BORCS5: variants seen among roughly 807,000 people sequenced by gnomAD.
The protein encoded by BORCS5 is BLOC-1-related complex subunit 5.
In BORCS5, 17 loss-of-function variants were observed where a neutral mutation model predicts 22.1. That is an observed-to-expected ratio of 0.77 (90% CI 0.53 to 1.15). BORCS5 has a LOEUF of 1.15. BORCS5 is among the 50% of genes most tolerant of loss of function. The pLI, the probability that BORCS5 is intolerant of heterozygous loss-of-function variation, is 0.00. For missense variants in BORCS5, 247 were observed against 253.2 expected, an observed-to-expected ratio of 0.98 and a Z score of 0.17; for synonymous variants, 117 against 99.8, an observed-to-expected ratio of 1.17 and a Z score of -1.03.
At chr12:12,441,966 A>G (rs1942691880) in intron 3 of BORCS5, among the ~76,000 whole-genome samples, 1 of 152,076 alleles carries the variant, frequency 6.6e-6, no homozygotes, top group Non-Finnish European at 1.5e-5. Context: ...TTTCCTGTAT[A>G]TTGCCTCATT....
intron 2 of BORCS5, among the ~76,000 whole-genome samples, chr12:12,365,227 A>G (rs1863379516): frequency 6.6e-6 from 1 of 152,058 alleles, no homozygotes. Flanking sequence ...AGGAAGGTAG[A>G]GATGAGATCA....
intron 2 of BORCS5, among the ~76,000 whole-genome samples, chr12:12,422,993 T>A (rs888618745): frequency 7.9e-5 from 12 of 151,514 alleles, no homozygotes; most frequent in East Asian, 3.9e-4. Flanking sequence ...TTTTTTTTTT[T>A]ATTTTTTATT....
intron 2 of BORCS5, among the ~76,000 whole-genome samples, chr12:12,386,802 C>T (rs767628443): frequency 2.0e-5 from 3 of 151,110 alleles, no homozygotes; most frequent in Non-Finnish European, 4.4e-5. Flanking sequence ...TCCTCCCTGC[C>T]CACCCATACC....
rs571921992 is a variant in BORCS5 at position 12,450,099 on chromosome 12, C to G, written c.360+14314C>G. ...ATTCATTGGGTAAAGCATAGTAGAA[C>G]AAACTATGGAAAAGGAAATGTCATT... On this transcript the variant is annotated intron_variant, in intron 3 of 3. Transcript: ENST00000314565. Among the ~76,000 whole-genome samples, 13 of 152,318 alleles carry G rather than the reference C, an allele frequency of 8.5e-5. No individual in the cohort carries two copies. The East Asian group carries it at 1.3e-3, about 16-fold the overall frequency.
rs1942234304 is a variant in BORCS5, at chr12:12,424,700, GT to G, written c.203-10925del. On this transcript the variant is annotated intron_variant, in intron 2 of 3. Transcript: ENST00000314565. The stretch of plus-strand genomic sequence containing the variant: ...CTTCTCTGGGTTTACTGTTTTTTGG[GT>G]TTATTTTTGGTATTTTGATTGTTAC... 3.3e-5 allele frequency among the ~76,000 whole-genome samples: 5 copies of G among 151,856 alleles called. No homozygotes were observed. The South Asian group carries it at 1.0e-3, about 32-fold the overall frequency.
chr12:12,452,510 A>C, intron 3 of BORCS5: 1 of 438,616 alleles, frequency 2.3e-6, no homozygotes, highest in East Asian at 6.7e-5. Context: ...CCGGGTAGGC[A>C]CTGGGGGCCA....
Position 12,466,067 on chromosome 12 carries a change from GTTT to G in BORCS5, c.*304_*306del, listed in dbSNP as rs61212144. On this transcript the variant is annotated 3_prime_UTR_variant, in exon 4 of 4. Transcript: ENST00000314565. ...CTGCATTGAGAATTATTTTTATTTA[GTTT>G]TTTTTTTTTTTTAATTGAGAGTATA... The G allele has an allele frequency of 9.9e-4, 206 of 208,244 alleles. No individual in the cohort carries two copies. Among genetic ancestry groups the G allele is most frequent in the Non-Finnish European group, 1.0e-3 (109 of 106,426 alleles). The allele number at this position is 208,244 out of a possible 1,614,324, so 12.9% of individuals were successfully genotyped here. A position where few individuals can be genotyped will look rare whatever the true frequency, so the allele number is the denominator to read the frequency against.
intron 3 of BORCS5, among the ~76,000 whole-genome samples, chr12:12,445,888 C>T (rs932999278): frequency 6.6e-5 from 10 of 151,376 alleles, no homozygotes; most frequent in Non-Finnish European, 1.5e-4. Flanking sequence ...AAGCAGTCCT[C>T]CCACAATGGC....
At chr12:12,446,260 A>T (rs1435656136) in intron 3 of BORCS5, among the ~76,000 whole-genome samples, 1 of 145,722 alleles carries the variant, frequency 6.9e-6, no homozygotes, top group African/African-American at 2.5e-5. Flanking sequence ...ATACAAGAAT[A>T]AAAAAAAAAA....
intron 2 of BORCS5, among the ~76,000 whole-genome samples, chr12:12,420,030 G>A (rs1376761350): frequency 2.0e-5 from 3 of 151,842 alleles, no homozygotes; most frequent in African/African-American, 7.3e-5. Flanking sequence ...CTTTTGCTGT[G>A]CAGAAGCTCT....
chr12:12,361,204 A>G lies in BORCS5; in HGVS notation c.59-2A>G. ...TCCTAAGCAGTGTAACTTTATTTTCAGTGACTCCTTCACCAGCCAAGCATA... is the reference window on the plus strand; with the variant it reads ...TCCTAAGCAGTGTAACTTTATTTTCGGTGACTCCTTCACCAGCCAAGCATA... On this transcript the variant is annotated splice_acceptor_variant, in intron 1 of 3. Coordinates refer to ENST00000314565, the MANE Select transcript of BORCS5 (RefSeq NM_058169.6). LOFTEE classifies it high-confidence loss of function. 6.2e-7 allele frequency: 1 copy of G among 1,613,650 alleles called. No individual in the cohort carries two copies. The highest frequency in any genetic ancestry group is 8.5e-7 in the Non-Finnish European group (1 of 1,179,622).
At chr12:12,402,794 G>A (rs1941507426) in intron 2 of BORCS5, among the ~76,000 whole-genome samples, 1 of 152,056 alleles carries the variant, frequency 6.6e-6, no homozygotes, top group Admixed American at 6.6e-5. Flanking sequence ...TTCTCTATTA[G>A]CTTCTACTGT....
At chr12:12,433,391 C>G (rs557195364) in intron 2 of BORCS5, among the ~76,000 whole-genome samples, 10 of 149,770 alleles carry the variant, frequency 6.7e-5, no homozygotes, top group African/African-American at 2.2e-4. Flanking sequence ...GTAGTCCCAG[C>G]TACTTGGGAA....
rs1238958591 is a variant in BORCS5 at position 12,415,536 on chromosome 12, C to T, written c.203-20092C>T. On this transcript the variant is annotated intron_variant, in intron 2 of 3. Coordinates refer to ENST00000314565, the MANE Select transcript of BORCS5 (RefSeq NM_058169.6). ...CTTTGGCTCGGCATCAGAGGGAGAC[C>T]GTGGAAGGAGACCGTGGAGAGAGGG... 3.1e-4 allele frequency among the ~76,000 whole-genome samples: 13 copies of T among 41,422 alleles called. No individual in the cohort carries two copies. The East Asian group carries it at 5.0e-3, about 16-fold the overall frequency. 27.2% of individuals were successfully genotyped at this position (41,422 alleles called of 152,430 possible). A position where few individuals can be genotyped will look rare whatever the true frequency, so the allele number is the denominator to read the frequency against.
Position 12,423,438 on chromosome 12 carries a change from CTTTTTTTTTTT to C in BORCS5, c.203-12172_203-12162del, listed in dbSNP as rs939681383. On this transcript the variant is annotated intron_variant, in intron 2 of 3. Coordinates refer to ENST00000314565, the MANE Select transcript of BORCS5 (RefSeq NM_058169.6). ...GTCTAGTATTAAGAAACTCCCTCAG[CTTTTTTTTTTT>C]TTTTTTTTTTTTTTTTTCCTGACTG... Among the ~76,000 whole-genome samples the C allele has an allele frequency of 1.2e-3, 70 of 57,254 alleles. No individual in the cohort carries two copies. The East Asian group carries it at 0.013, about 11-fold the overall frequency. The allele number at this position is 57,254 out of a possible 152,430, so 37.6% of individuals were successfully genotyped here. A position where few individuals can be genotyped will look rare whatever the true frequency, so the allele number is the denominator to read the frequency against.
Position 12,465,806 on chromosome 12 carries a change from C to T in BORCS5, c.*30C>T, listed in dbSNP as rs1240417671. On this transcript the variant is annotated 3_prime_UTR_variant, in exon 4 of 4. Transcript: ENST00000314565. ...TGCCCGGCCTGCCTGGGGCTGGGAG[C>T]CCCAGACACCGACACCCTGAGGACG... The T allele has an allele frequency of 1.9e-6, 3 of 1,577,118 alleles. No homozygotes were observed. Among genetic ancestry groups the T allele is most frequent in the East Asian group, 2.3e-5 (1 of 44,352 alleles).
chr12:12,365,717 T>G (rs1042903916), intron 2 of BORCS5, among the ~76,000 whole-genome samples: 1 of 152,174 alleles, frequency 6.6e-6, no homozygotes, highest in Non-Finnish European at 1.5e-5. Flanking sequence ...TAAGTTTAAT[T>G]ATGATAATAG....
At chr12:12,369,923 C>T (rs1488652882) in intron 2 of BORCS5, among the ~76,000 whole-genome samples, 2 of 151,384 alleles carry the variant, frequency 1.3e-5, no homozygotes, top group Non-Finnish European at 2.9e-5. Flanking sequence ...TGGGGTGTCA[C>T]CATGTTGGTC....
intron 2 of BORCS5, among the ~76,000 whole-genome samples, chr12:12,415,415 C>CG (rs1351312240): frequency 4.0e-5 from 6 of 151,228 alleles, no homozygotes; most frequent in African/African-American, 1.5e-4. Flanking sequence ...TCAGGCGTGG[C>CG]GGCGTGCGCC....
Sources: gnomAD v4.1 joint callset for allele counts (sites outside exome capture counted in the v4.1 genomes callset) on GRCh38, gnomAD v4.1.1 for gene constraint, MANE v1.5 for transcripts, NCBI Gene and HGNC (gene_info 2026-07-23, HGNC 2026-07-21) for gene names.